Variants in FSTL4 observed in about 807,000 individuals in gnomAD.
FSTL4 encodes the protein follistatin like 4.
FSTL4 carries 28 observed loss-of-function variants against 78.2 expected under a neutral mutation model. The observed-to-expected ratio is 0.36, with a 90% CI of 0.27 to 0.49. FSTL4 has a LOEUF of 0.49. FSTL4 is among the 20% of genes least tolerant of loss of function. FSTL4 has a pLI of 0.98. For missense variants in FSTL4, 922 were observed against 1,084.9 expected (o/e 0.85, Z 2.11); for synonymous variants, 422 against 440.5 (o/e 0.96, Z 0.53).
chr5:133,763,804 G>A, the FSTL4 span, among the ~76,000 whole-genome samples: 1 of 152,238 alleles, frequency 6.6e-6, no homozygotes, highest in African/African-American at 2.4e-5. Flanking sequence ...AAGGGCAAGA[G>A]GCAGACCAAG....
chr5:133,601,598 A>G (rs1421866112), intron 2 of FSTL4, among the ~76,000 whole-genome samples: 1 of 151,974 alleles, frequency 6.6e-6, no homozygotes, highest in Non-Finnish European at 1.5e-5. Flanking sequence ...ACAGAGTGTG[A>G]GCAAGGGCTG....
intron 3 of FSTL4, among the ~76,000 whole-genome samples, chr5:133,485,434 G>C (rs1324717522): frequency 6.6e-6 from 1 of 152,222 alleles, no homozygotes; most frequent in Non-Finnish European, 1.5e-5. Context: ...GCCTGTGTTG[G>C]CAACAGCTGA....
chr5:133,817,825 T>C, the FSTL4 span, among the ~76,000 whole-genome samples: 1 of 152,216 alleles, frequency 6.6e-6, no homozygotes, highest in Admixed American at 6.5e-5. Flanking sequence ...CAGCATGACC[T>C]GGCACAGTAC....
chr5:133,446,156 C>A (rs1029790085), intron 3 of FSTL4, among the ~76,000 whole-genome samples: 2 of 152,108 alleles, frequency 1.3e-5, no homozygotes, highest in African/African-American at 4.8e-5. Flanking sequence ...TGCAGGCTCT[C>A]GGGCCAGGCT....
At chr5:133,832,965 G>GT in the FSTL4 span, among the ~76,000 whole-genome samples, 106 of 151,908 alleles carry the variant, frequency 7.0e-4, 1 homozygote, top group South Asian at 0.012. Flanking sequence ...AAAATCTTTT[G>GT]TTTTTTTAAC....
intron 3 of FSTL4, among the ~76,000 whole-genome samples, chr5:133,531,993 C>T (rs1371190301): frequency 1.3e-5 from 2 of 152,208 alleles, no homozygotes; most frequent in Non-Finnish European, 2.9e-5. Flanking sequence ...TACATATGTT[C>T]TCTTACACTG....
At chr5:133,301,246 T>C (rs1052633227) in intron 6 of FSTL4, among the ~76,000 whole-genome samples, 1 of 152,082 alleles carries the variant, frequency 6.6e-6, no homozygotes, top group African/African-American at 2.4e-5. Context: ...CCTGCCAAAG[T>C]GCGCAGGTCT....
At position 133,225,888 on chromosome 5, in the gene FSTL4, C is replaced by A; in HGVS notation, c.1016-69G>T. The A allele has an allele frequency of 1.6e-6, 2 of 1,266,142 alleles. No homozygotes were observed. Among genetic ancestry groups the A allele is most frequent in the Non-Finnish European group, 2.1e-6 (2 of 948,358 alleles). 78.4% of individuals were successfully genotyped at this position (1,266,142 alleles called of 1,614,324 possible). The stretch of plus-strand genomic sequence containing the variant: ...CCTGGACTTGGGCCTGTGGCCCAAC[C>A]TGAGACCCTGCTCCAGAGGGGGTGA... On this transcript the variant is annotated intron_variant, in intron 8 of 15. Transcript: ENST00000265342. This position sits in a 1 kb window ranked among gnomAD's most constrained non-coding sequence, Gnocchi z 4.6.
Position 133,199,001 on chromosome 5 carries a change from GC to G in FSTL4, c.*93del, listed in dbSNP as rs1750227051. On this transcript the variant is annotated 3_prime_UTR_variant, in exon 16 of 16. Coordinates refer to ENST00000265342, the MANE Select transcript of FSTL4 (RefSeq NM_015082.2). This position sits in a 1 kb window ranked among gnomAD's most constrained non-coding sequence, Gnocchi z 4.4. Reference sequence around the variant, plus strand: ...AACCACAAAGCGAGTACAGGTTTTTGCTTTTGTCTGTAAAAATGTACAGCGT... The same window carrying G: ...AACCACAAAGCGAGTACAGGTTTTTGTTTTGTCTGTAAAAATGTACAGCGT... 1 of 725,990 alleles carries G rather than the reference GC, an allele frequency of 1.4e-6. No individual in the cohort carries two copies. Among genetic ancestry groups the G allele is most frequent in the Non-Finnish European group, 2.2e-6 (1 of 453,284 alleles). The allele number at this position is 725,990 out of a possible 1,614,324, so 45.0% of individuals were successfully genotyped here.
At chr5:133,709,245 T>C in the FSTL4 span, among the ~76,000 whole-genome samples, 1 of 152,214 alleles carries the variant, frequency 6.6e-6, no homozygotes, top group Non-Finnish European at 1.5e-5. Flanking sequence ...ATTTTTATAG[T>C]GATTGGACCA....
intron 4 of FSTL4, among the ~76,000 whole-genome samples, chr5:133,385,140 T>C (rs1233209143): frequency 6.6e-6 from 1 of 152,212 alleles, no homozygotes; most frequent in African/African-American, 2.4e-5. Context: ...CACACTCCTC[T>C]TGGACCCCCG....
chr5:133,780,223 G>A, the FSTL4 span, among the ~76,000 whole-genome samples: 1 of 152,212 alleles, frequency 6.6e-6, no homozygotes, highest in South Asian at 2.1e-4. Flanking sequence ...CCGCAGATGT[G>A]GGCACTGGGA....
the FSTL4 span, among the ~76,000 whole-genome samples, chr5:133,735,320 G>T: frequency 6.6e-6 from 1 of 152,162 alleles, no homozygotes; most frequent in African/African-American, 2.4e-5. Flanking sequence ...AAAATTAGCT[G>T]GGCATGGTGG....
the FSTL4 span, among the ~76,000 whole-genome samples, chr5:133,693,072 G>A: frequency 3.3e-5 from 5 of 152,348 alleles, no homozygotes; most frequent in African/African-American, 1.2e-4. Context: ...TTTTGAATGA[G>A]TATGAACTAA....
At chr5:133,202,404 CTG>C (rs1176099652) in intron 14 of FSTL4, 1 of 162,310 alleles carries the variant, frequency 6.2e-6, no homozygotes, top group East Asian at 1.7e-4. Flanking sequence ...GGAAACATCA[CTG>C]TGGTTGCTCA....
At chr5:133,610,240 T>C (rs1761062977) in intron 1 of FSTL4, among the ~76,000 whole-genome samples, 1 of 152,188 alleles carries the variant, frequency 6.6e-6, no homozygotes, top group Non-Finnish European at 1.5e-5. Flanking sequence ...AAAGTTCTCC[T>C]AATACCCAGA....
At chr5:133,448,739 C>CGGGG (rs1187966204) in intron 3 of FSTL4, among the ~76,000 whole-genome samples, 1 of 19,450 alleles carries the variant, frequency 5.1e-5, no homozygotes, top group African/African-American at 1.3e-4. Context: ...GGTGCGGGGG[C>CGGGG]GGGGGGGGGG....
chr5:133,817,662 T>C, the FSTL4 span, among the ~76,000 whole-genome samples: 1 of 152,132 alleles, frequency 6.6e-6, no homozygotes, highest in Non-Finnish European at 1.5e-5. Context: ...GAAGGAAGGC[T>C]CTTCTCTCTT....
chr5:133,755,243 T>A, the FSTL4 span, among the ~76,000 whole-genome samples: 1 of 152,168 alleles, frequency 6.6e-6, no homozygotes, highest in African/African-American at 2.4e-5. Flanking sequence ...TAGAAAGGGA[T>A]GCAGCTGTGA....
Sources: gnomAD v4.1 joint callset for allele counts (sites outside exome capture counted in the v4.1 genomes callset) on GRCh38, gnomAD v4.1.1 for gene constraint, Gnocchi (gnomAD v3.1) non-coding constraint, MANE v1.5 for transcripts, NCBI Gene and HGNC (gene_info 2026-07-23, HGNC 2026-07-21) for gene names.